Variants in ACTN3 observed in about 807,000 individuals in gnomAD.
ACTN3 encodes alpha-actinin-3.
A neutral mutation model predicts 119.6 loss-of-function variants in ACTN3; 91 were observed. That is an observed-to-expected ratio of 0.76 (90% CI 0.64 to 0.91). The LOEUF (loss-of-function observed/expected upper bound fraction) is 0.91. ACTN3 is among the 40% of genes least tolerant of loss of function. The pLI is 0.00. For missense variants in ACTN3, 1,221 were observed against 1,215.1 expected, an observed-to-expected ratio of 1.00 and a Z score of -0.07; for synonymous variants, 456 against 478.8, an observed-to-expected ratio of 0.95 and a Z score of 0.62.
chr11:66,551,665 A>G lies in ACTN3; in HGVS notation c.382+18A>G, dbSNP rs759851075. Reference sequence around the variant, plus strand: ...TGCTGAAGGTGAGGAGGTGGCAGGAAGGGTCTTGGGCAGGGCACAGGGGCC... The same window carrying G: ...TGCTGAAGGTGAGGAGGTGGCAGGAGGGGTCTTGGGCAGGGCACAGGGGCC... On this transcript the variant is annotated intron_variant, in intron 3 of 20. Coordinates refer to ENST00000513398, the MANE Select transcript of ACTN3 (RefSeq NM_001104.4). The G allele has an allele frequency of 2.5e-6, 4 of 1,612,848 alleles. No individual in the cohort carries two copies. The highest frequency in any genetic ancestry group is 3.4e-6 in the Non-Finnish European group (4 of 1,179,934).
At chr11:66,547,376 C>G (rs1426711920) in intron 1 of ACTN3, among the ~76,000 whole-genome samples, 2 of 151,910 alleles carry the variant, frequency 1.3e-5, no homozygotes, top group African/African-American at 4.9e-5. Flanking sequence ...GCTGGGCAAA[C>G]CCCAGGAGAT....
At chr11:66,561,110 C>T (rs765525143) in intron 15 of ACTN3, 117 bp from the exon 16 acceptor site, 15 of 1,367,892 alleles carry the variant, frequency 1.1e-5, no homozygotes, top group Non-Finnish European at 1.5e-5. Flanking sequence ...TCTCGTATAT[C>T]CCAGACAAGT....
At chr11:66,546,724 G>A (rs1460691067), upstream of ACTN3, 4 of 1,534,966 alleles carry the variant, frequency 2.6e-6, no homozygotes, top group South Asian at 4.8e-5. Flanking sequence ...GATCTCCGCC[G>A]CGAGATCCAC....
At chr11:66,560,430 TGCTGG>T in intron 14 of ACTN3, 119 bp downstream of exon 14, 1 of 1,478,580 alleles carries the variant, frequency 6.8e-7, no homozygotes, top group South Asian at 1.4e-5. Context: ...AGTTCCCGAG[TGCTGG>T]GCTGGAAGAC....
At chr11:66,557,044 AGCCACCGC>A in intron 8 of ACTN3, 81 bp from the exon 9 acceptor site, 1 of 1,037,504 alleles carries the variant, frequency 9.6e-7, no homozygotes, top group South Asian at 1.5e-5. Context: ...TACAGGCGTG[AGCCACCGC>A]GCTCGGCGGG....
intron 1 of ACTN3, 73 bp from the exon 2 acceptor site, chr11:66,551,166 C>G: frequency 9.0e-7 from 1 of 1,113,968 alleles, no homozygotes; most frequent in Non-Finnish European, 1.3e-6. Flanking sequence ...CCTACCCTGA[C>G]TGAGGAGACA....
chr11:66,550,828 C>T (rs928694644), intron 1 of ACTN3, among the ~76,000 whole-genome samples: 1 of 152,138 alleles, frequency 6.6e-6, no homozygotes, highest in Admixed American at 6.5e-5. Context: ...CCCTGAGGGC[C>T]AGATGTGCTT....
At chr11:66,548,553 T>C (rs1857411628) in intron 1 of ACTN3, among the ~76,000 whole-genome samples, 1 of 152,180 alleles carries the variant, frequency 6.6e-6, no homozygotes, top group African/African-American at 2.4e-5. Context: ...TCAATCAGCA[T>C]CCCTTGTAGT....
chr11:66,550,709 C>G (rs1028269702), intron 1 of ACTN3, among the ~76,000 whole-genome samples: 2 of 152,312 alleles, frequency 1.3e-5, no homozygotes, highest in African/African-American at 2.4e-5. Context: ...TCCAACAGCC[C>G]TCAGAGTCCT....
In ACTN3 at chr11:66,551,599, G is replaced by T; in HGVS notation, c.334G>T (p.Asp112Tyr). 6.2e-7 allele frequency: 1 copy of T among 1,614,108 alleles called. No individual in the cohort carries two copies. The highest frequency in any genetic ancestry group is 1.1e-5 in the South Asian group (1 of 91,066). Residue 112 changes from aspartate to tyrosine, a missense_variant, in exon 3 of 21, where the codon GAC becomes TAC. Physicochemically the swap from Asp to Tyr is radical, Grantham distance 160. Transcript: ENST00000513398. ...AATCGCCAACGTTAACAAGGCCCTGGACTTCATTGCCAGCAAGGGGGTTAA... is the reference window on the plus strand; with the variant it reads ...AATCGCCAACGTTAACAAGGCCCTGTACTTCATTGCCAGCAAGGGGGTTAA... ...HKIANVNKAL[D>Y]FIASKGVKLV...
chr11:66,562,456 G>A (rs1857803516), intron 19 of ACTN3, 134 bp downstream of exon 19: 1 of 1,096,888 alleles, frequency 9.1e-7, no homozygotes, highest in Non-Finnish European at 1.4e-6. Flanking sequence ...GGCTAGCAAG[G>A]CTCAGGGAGG....
chr11:66,555,626 TG>T (rs1857576390), intron 7 of ACTN3, among the ~76,000 whole-genome samples: 1 of 152,194 alleles, frequency 6.6e-6, no homozygotes, highest in Non-Finnish European at 1.5e-5. Flanking sequence ...CTGGGTTACC[TG>T]GGATGTTGGT....
rs750487840 is a variant in ACTN3, at chr11:66,555,414, G to A, written c.718+47G>A. On this transcript the variant is annotated intron_variant, in intron 7 of 20. Transcript: ENST00000513398. ...GGAAGACCCCACATTCTCCACACTG[G>A]GCCTGGTACAACCTCCACACCTTTG... 4 of 1,594,420 alleles carry A rather than the reference G, an allele frequency of 2.5e-6. No individual in the cohort carries two copies. The African/African-American group carries it at 5.4e-5, about 21-fold the overall frequency.
chr11:66,562,278 C>A lies in ACTN3; in HGVS notation c.2344C>A (p.Pro782Thr). 6.2e-7 allele frequency: 1 copy of A among 1,613,686 alleles called. No homozygotes were observed. The highest frequency in any genetic ancestry group is 2.2e-5 in the East Asian group (1 of 44,876). ...FDRKQNGMME[P>T]DDFRACLISM... Reference sequence around the variant, plus strand: ...ACAGAAGCAGAATGGGATGATGGAGCCTGATGACTTCCGAGCTTGCCTCAT... The same window carrying A: ...ACAGAAGCAGAATGGGATGATGGAGACTGATGACTTCCGAGCTTGCCTCAT... Residue 782 changes from proline (P) to threonine (T), a missense_variant, in exon 19 of 21, where the codon CCT (proline) becomes ACT (threonine). By Grantham distance (38) the Pro-to-Thr change is conservative (BLOSUM62 -1). This residue lies in a region of ACTN3 where 934 missense variants were observed against 899.9 expected (regional missense o/e 1.04). Coordinates refer to ENST00000513398, the MANE Select transcript of ACTN3 (RefSeq NM_001104.4).
At chr11:66,558,525 G>C (rs1044504050) in intron 11 of ACTN3, among the ~76,000 whole-genome samples, 1 of 152,134 alleles carries the variant, frequency 6.6e-6, no homozygotes, top group African/African-American at 2.4e-5. Context: ...GCACCACCAC[G>C]CCCAGTAACT....
intron 12 of ACTN3, among the ~76,000 whole-genome samples, chr11:66,559,715 G>A (rs1440386964): frequency 3.0e-5 from 1 of 33,694 alleles, no homozygotes; most frequent in East Asian, 5.9e-4. Context: ...CCATGAACCC[G>A]CCCCTTCTTG....
intron 19 of ACTN3, 139 bp from the exon 20 acceptor site, chr11:66,562,657 G>T: frequency 1.0e-6 from 1 of 1,002,754 alleles, no homozygotes. Flanking sequence ...TACAGCCAGG[G>T]CTAAGGTCTC....
intron 1 of ACTN3, among the ~76,000 whole-genome samples, chr11:66,548,041 G>C (rs17496586): frequency 0.19 from 28,448 of 152,164 alleles, 3,514 homozygotes; most frequent in Non-Finnish European, 0.25. Context: ...GAGGCCATTG[G>C]ACCCTGCTCA....
At chr11:66,559,643 C>T (rs1404712404) in intron 12 of ACTN3, among the ~76,000 whole-genome samples, 2 of 151,874 alleles carry the variant, frequency 1.3e-5, no homozygotes, top group East Asian at 1.9e-4. Context: ...AACCTGCCCG[C>T]TCTCTTCACC....
Sources: gnomAD v4.1 joint callset for allele counts (sites outside exome capture counted in the v4.1 genomes callset) on GRCh38, gnomAD v4.1.1 for gene constraint, gnomAD v4.1.1 regional missense constraint, MANE v1.5 for transcripts, NCBI Gene and HGNC (gene_info 2026-07-23, HGNC 2026-07-21) for gene names.